SLC6A15: variants seen among roughly 807,000 people sequenced by gnomAD.
The protein encoded by SLC6A15 is solute carrier family 6 member 15, also known as sodium-dependent neutral amino acid transporter B(0)AT2.
In SLC6A15, 33 loss-of-function variants were observed where a neutral mutation model predicts 68.5. That is an observed-to-expected ratio of 0.48 (90% CI 0.37 to 0.64). SLC6A15 has a LOEUF of 0.64. SLC6A15 is among the 30% of genes least tolerant of loss of function. The pLI is 0.00. For synonymous variants in SLC6A15, 347 were observed against 301.0 expected (o/e 1.15, Z -1.58); for missense variants, 747 against 874.3 (o/e 0.85, Z 1.84).
At chr12:84,911,022 T>G (rs1437541919) in intron 1 of SLC6A15, among the ~76,000 whole-genome samples, 1 of 152,074 alleles carries the variant, frequency 6.6e-6, no homozygotes, top group South Asian at 2.1e-4. Flanking sequence ...CATTAAGTAT[T>G]TATTAAGAAC....
At chr12:84,890,926 CTTATT>C (rs1286549929) in intron 2 of SLC6A15, among the ~76,000 whole-genome samples, 3 of 152,110 alleles carry the variant, frequency 2.0e-5, no homozygotes, top group African/African-American at 7.2e-5. Flanking sequence ...TTCAGCCACA[CTTATT>C]TTAACAGCAT....
chr12:84,909,049 C>T (rs918702646), intron 1 of SLC6A15, among the ~76,000 whole-genome samples: 1 of 152,106 alleles, frequency 6.6e-6, no homozygotes, highest in Non-Finnish European at 1.5e-5. Context: ...AGAACTGGAA[C>T]AGCTTGATCA....
In SLC6A15 at chr12:84,876,500, A is replaced by G; in HGVS notation, c.864T>C (p.Pro288=). ...TAAATAGAAATATGGTACATACCTT[A>G]GGGGTAAACATGTGGCGAATGCCAT... ...SIDGIRHMFT[P]KLEIMLEPKV... Residue 288 remains proline (P), a synonymous_variant, in exon 6 of 12, where the codon CCT becomes CCC. Transcript: ENST00000266682. 1.3e-6 allele frequency: 2 copies of G among 1,532,868 alleles called. No individual in the cohort carries two copies. The highest frequency in any genetic ancestry group is 1.8e-6 in the Non-Finnish European group (2 of 1,118,208). The allele number at this position is 1,532,868 out of a possible 1,614,324, so 95.0% of individuals were successfully genotyped here.
At chr12:84,882,473 A>T (rs1022396854) in intron 5 of SLC6A15, 4 of 942,384 alleles carry the variant, frequency 4.2e-6, no homozygotes, top group Non-Finnish European at 5.1e-6. Flanking sequence ...ATGTAAAATC[A>T]GCTACAATTT....
chr12:84,864,846 C>A (rs1487687576), intron 10 of SLC6A15, among the ~76,000 whole-genome samples: 1 of 151,890 alleles, frequency 6.6e-6, no homozygotes, highest in Non-Finnish European at 1.5e-5. Flanking sequence ...AATATAATAC[C>A]CACCTTTGAG....
chr12:84,907,165 C>A (rs752357433), intron 1 of SLC6A15, among the ~76,000 whole-genome samples: 5 of 151,808 alleles, frequency 3.3e-5, no homozygotes, highest in Non-Finnish European at 7.4e-5. Flanking sequence ...CTGGCTAACA[C>A]GGTGAAACCC....
At chr12:84,866,934 C>T (rs766323486) in intron 10 of SLC6A15, 100 bp downstream of exon 10, 92 of 1,063,202 alleles carry the variant, frequency 8.7e-5, no homozygotes, top group Non-Finnish European at 1.1e-4. Flanking sequence ...GAATTGTTCC[C>T]TCTATTCATT....
Position 84,872,543 on chromosome 12 carries a change from G to T in SLC6A15, c.1302+59C>A, listed in dbSNP as rs1871330825. 4.9e-6 allele frequency: 7 copies of T among 1,438,012 alleles called. No homozygotes were observed. In the South Asian group the frequency reaches 6.2e-5, roughly 13 times the overall value. 89.1% of individuals were successfully genotyped at this position (1,438,012 alleles called of 1,614,324 possible). A position where few individuals can be genotyped will look rare whatever the true frequency, so the allele number is the denominator to read the frequency against. ...CCCTTTTCCTGAAGGGAGTCTGCTG[G>T]ATAATGCATATTTCAAGTGAATGAT... is the stretch of plus-strand genomic sequence containing the variant. On this transcript the variant is annotated intron_variant, in intron 8 of 11. Transcript: ENST00000266682.
intron 1 of SLC6A15, among the ~76,000 whole-genome samples, chr12:84,901,776 C>G (rs1418664424): frequency 6.6e-6 from 1 of 151,636 alleles, no homozygotes; most frequent in Non-Finnish European, 1.5e-5. Context: ...TAATAAAGCA[C>G]TAGAACACTA....
At chr12:84,887,894 T>C (rs1276576305) in intron 2 of SLC6A15, among the ~76,000 whole-genome samples, 1 of 151,916 alleles carries the variant, frequency 6.6e-6, no homozygotes, top group Non-Finnish European at 1.5e-5. Context: ...AGCCCACTCC[T>C]AGATATCTAC....
rs968309830 is a variant in SLC6A15, at chr12:84,892,246, C to T, written c.-126G>A. 1 of 895,482 alleles carries T rather than the reference C, an allele frequency of 1.1e-6. No homozygotes were observed. Among genetic ancestry groups the T allele is most frequent in the African/African-American group, 1.7e-5 (1 of 58,906 alleles). 55.5% of individuals were successfully genotyped at this position (895,482 alleles called of 1,614,324 possible). A position where few individuals can be genotyped will look rare whatever the true frequency, so the allele number is the denominator to read the frequency against. On this transcript the variant is annotated 5_prime_UTR_variant, in exon 2 of 12. Coordinates refer to ENST00000266682, the MANE Select transcript of SLC6A15 (RefSeq NM_182767.6). The stretch of plus-strand genomic sequence containing the variant: ...GACCGAGGATGATATCAAATAAATC[C>T]TTGATTCAAGGTGATAAAGCCTTAT...
At position 84,883,501 on chromosome 12, in the gene SLC6A15, T is replaced by A. The variant is rs928284779; in HGVS notation, c.756+358A>T. Reference sequence around the variant, plus strand: ...AACAAAATGAATGAATTACTCATTTTACCACTTTCCCCAATTTCCATAATT... The same window carrying A: ...AACAAAATGAATGAATTACTCATTTAACCACTTTCCCCAATTTCCATAATT... On this transcript the variant is annotated intron_variant, in intron 5 of 11. Transcript: ENST00000266682. 3.2e-6 allele frequency: 4 copies of A among 1,261,514 alleles called. No individual in the cohort carries two copies. In the African/African-American group the frequency reaches 4.6e-5, roughly 14 times the overall value. The allele number at this position is 1,261,514 out of a possible 1,614,324, so 78.1% of individuals were successfully genotyped here.
intron 5 of SLC6A15, among the ~76,000 whole-genome samples, chr12:84,879,801 G>T (rs1438353765): frequency 6.8e-6 from 1 of 147,166 alleles, no homozygotes; most frequent in Admixed American, 6.7e-5. Context: ...TTGAATTGTG[G>T]GTTCCATGAG....
intron 2 of SLC6A15, among the ~76,000 whole-genome samples, chr12:84,888,237 C>T (rs1464588317): frequency 2.3e-5 from 3 of 127,734 alleles, no homozygotes; most frequent in African/African-American, 9.4e-5. Context: ...GCACTCCAGT[C>T]TCGGTGACAG....
chr12:84,868,036 G>T (rs1209754853), intron 9 of SLC6A15, among the ~76,000 whole-genome samples: 2 of 152,162 alleles, frequency 1.3e-5, no homozygotes, highest in African/African-American at 4.8e-5. Context: ...TTCGGCAGAG[G>T]TGAGTAAACT....
At chr12:84,889,571 T>G (rs1211038683) in intron 2 of SLC6A15, among the ~76,000 whole-genome samples, 1 of 151,930 alleles carries the variant, frequency 6.6e-6, no homozygotes, top group Non-Finnish European at 1.5e-5. Context: ...GGGTCTTCAT[T>G]TCTGAAAGTT....
rs561587020 is a variant in SLC6A15, at chr12:84,876,677, T to C, written c.757-70A>G. The C allele has an allele frequency of 1.6e-5, 11 of 673,570 alleles. 2 individuals carry two copies. In the African/African-American group the frequency reaches 1.7e-4, roughly 10 times the overall value. 41.7% of individuals were successfully genotyped at this position (673,570 alleles called of 1,614,324 possible). On this transcript the variant is annotated intron_variant, in intron 5 of 11. Coordinates refer to ENST00000266682, the MANE Select transcript of SLC6A15 (RefSeq NM_182767.6). ...TTTTTTATAGATAAGATTTTATATGTTAGTTTCTGTACTTTGACAGTCACT... is the reference window on the plus strand; with the variant it reads ...TTTTTTATAGATAAGATTTTATATGCTAGTTTCTGTACTTTGACAGTCACT...
intron 8 of SLC6A15, among the ~76,000 whole-genome samples, chr12:84,871,673 T>C (rs907853811): frequency 1.3e-5 from 2 of 152,162 alleles, no homozygotes; most frequent in Non-Finnish European, 2.9e-5. Context: ...TACTTTTTAA[T>C]GAATAATATC....
intron 5 of SLC6A15, 136 bp downstream of exon 5, chr12:84,883,723 C>T (rs1426977699): frequency 1.3e-6 from 2 of 1,595,980 alleles, no homozygotes; most frequent in African/African-American, 1.3e-5. Context: ...TGAAGTGTCA[C>T]TTTTCACTAA....
Sources: allele counts gnomAD v4.1 joint callset (sites outside exome capture counted in the v4.1 genomes callset), GRCh38; gene constraint gnomAD v4.1.1; transcripts MANE v1.5; gene names NCBI Gene and HGNC (gene_info 2026-07-23, HGNC 2026-07-21).